MAP1LC3C: variants seen among roughly 807,000 people sequenced by gnomAD.
MAP1LC3C encodes microtubule-associated protein 1 light chain 3 gamma.
A neutral mutation model predicts 10.4 loss-of-function variants in MAP1LC3C; 12 were observed. The ratio of observed to expected loss-of-function variants is 1.15; its 90% confidence interval spans 0.74 to 1.86. The LOEUF is 1.86. Ranked by LOEUF, MAP1LC3C falls within the 40% of genes most tolerant of loss-of-function variation. MAP1LC3C has a pLI of 0.00. For synonymous variants in MAP1LC3C, 70 were observed against 69.0 expected (o/e 1.01, Z -0.07); for missense variants, 177 against 185.7 (o/e 0.95, Z 0.27).
chr1:241,996,475 C>T (rs1461750933), intron 3 of MAP1LC3C, 90 bp from the exon 4 acceptor site: 3 of 1,061,376 alleles, frequency 2.8e-6, no homozygotes, highest in Non-Finnish European at 4.1e-6. Context: ...CTGAATTGCT[C>T]CCTTCTTCTT....
intron 3 of MAP1LC3C, among the ~76,000 whole-genome samples, 177 bp downstream of exon 3, chr1:241,998,337 T>C (rs1665128690): frequency 6.6e-6 from 1 of 152,126 alleles, no homozygotes; most frequent in African/African-American, 2.4e-5. Context: ...AATAGAGTAA[T>C]TCTAAGAGCA....
At chr1:241,998,415 G>A (rs949030872) in intron 3 of MAP1LC3C, 99 bp downstream of exon 3, 17 of 927,438 alleles carry the variant, frequency 1.8e-5, no homozygotes, top group Admixed American at 1.4e-4. Flanking sequence ...TTCCCCTGAC[G>A]TGCCCCCATC....
In MAP1LC3C at chr1:241,998,997, T is replaced by C. The variant is rs139360631; in HGVS notation, c.12A>G (p.Pro4=). ...AGGGTCTGACGCTTGGGATTTTCTGTGGAGGCGGCATTGCACTCAGTAGCT... is the reference window on the plus strand; with the variant it reads ...AGGGTCTGACGCTTGGGATTTTCTGCGGAGGCGGCATTGCACTCAGTAGCT... MPP[P]QKIPSVRPFK... is the part of the protein sequence containing the mutation. Residue 4 remains proline (P), a synonymous_variant, in exon 1 of 4, where the codon CCA becomes CCG. Coordinates refer to ENST00000357246, the MANE Select transcript of MAP1LC3C (RefSeq NM_001004343.3). The C allele has an allele frequency of 8.6e-5, 139 of 1,609,564 alleles. 1 individual carries two copies. Among genetic ancestry groups the C allele is most frequent in the Middle Eastern group, 6.6e-4 (4 of 6,026 alleles).
chr1:241,997,526 A>G (rs1464008073), intron 3 of MAP1LC3C, among the ~76,000 whole-genome samples: 3 of 152,180 alleles, frequency 2.0e-5, no homozygotes, highest in Non-Finnish European at 2.9e-5. Flanking sequence ...CAAAATAAAA[A>G]GACACTCATT....
chr1:241,996,208 G>C lies in MAP1LC3C; in HGVS notation c.399C>G (p.Pro133=). 1 of 1,614,066 alleles carries C rather than the reference G, an allele frequency of 6.2e-7. No individual in the cohort carries two copies. ...ETFGCLESAA[P]RDGSSLEDRP... ...TGTCCTCAAGGCTGCTCCCATCCCT[G>C]GGGGCTGCTGACTCCAGGCAGCCAA... Residue 133 remains proline (P), a synonymous_variant, in exon 4 of 4, where the codon CCC becomes CCG. Coordinates refer to ENST00000357246, the MANE Select transcript of MAP1LC3C (RefSeq NM_001004343.3).
rs768580624 is a variant in MAP1LC3C, at chr1:241,996,380, C to A, written c.227G>T (p.Arg76Leu). ...GGCTTCCGTGGCTCTCAGGACCATG[C>A]GGCTCCTGGGATGGGCAGGAGGGTG... Reference protein sequence around the residue: ...MTQFLSIIRSRMVLRATEAFY... With the variant: ...MTQFLSIIRSLMVLRATEAFY... The change falls in exon 4 of 4, where the codon CGC becomes CTC. Residue 76 changes from arginine to leucine, a missense_variant. Physicochemically the swap from Arg to Leu is moderately radical, Grantham distance 102. Transcript: ENST00000357246. 5.6e-6 allele frequency: 9 copies of A among 1,613,646 alleles called. No individual in the cohort carries two copies. Among genetic ancestry groups the A allele is most frequent in the African/African-American group, 4.0e-5 (3 of 75,022 alleles).
rs752620963 is a variant in MAP1LC3C at position 241,998,547 on chromosome 1, T to C, written c.188A>G (p.Glu63Gly). 2.7e-5 allele frequency: 43 copies of C among 1,614,000 alleles called. No individual in the cohort carries two copies. The highest frequency in any genetic ancestry group is 3.6e-5 in the Non-Finnish European group (42 of 1,180,014). Reference protein sequence around the residue: ...LDKTKFLVPQELTMTQFLSII... With the variant: ...LDKTKFLVPQGLTMTQFLSII... The stretch of plus-strand genomic sequence containing the variant: ...GCTGAGGAACTGGGTCATGGTCAGC[T>C]CCTGCGGGACCAGGAACTTGGTTTT... Residue 63 changes from glutamate (E) to glycine (G), a missense_variant, in exon 3 of 4, where the codon GAG (glutamate) becomes GGG (glycine). By Grantham distance (98) the Glu-to-Gly change is moderately conservative. Coordinates refer to ENST00000357246, the MANE Select transcript of MAP1LC3C (RefSeq NM_001004343.3).
Position 241,998,767 on chromosome 1 carries a change from G to C in MAP1LC3C, c.114+9C>G. The stretch of plus-strand genomic sequence containing the variant: ...CACGCCCCCCAGCGGAAGTCCAGTG[G>C]TGTCTTACCGGGATTTTGTTGGGGA... On this transcript the variant is annotated intron_variant, in intron 2 of 3. Coordinates refer to ENST00000357246, the MANE Select transcript of MAP1LC3C (RefSeq NM_001004343.3). 1 of 1,614,148 alleles carries C rather than the reference G, an allele frequency of 6.2e-7. No homozygotes were observed. The highest frequency in any genetic ancestry group is 8.5e-7 in the Non-Finnish European group (1 of 1,180,034).
chr1:241,996,097 A>C lies in MAP1LC3C; in HGVS notation c.*66T>G, dbSNP rs191718681. Reference sequence around the variant, plus strand: ...CAGACTCCTCCACTGTATACACAGGAGAAAACCAATCCCTTCTGCCAGCAT... The same window carrying C: ...CAGACTCCTCCACTGTATACACAGGCGAAAACCAATCCCTTCTGCCAGCAT... On this transcript the variant is annotated 3_prime_UTR_variant, in exon 4 of 4. Transcript: ENST00000357246. 1 of 1,457,446 alleles carries C rather than the reference A, an allele frequency of 6.9e-7. No homozygotes were observed. Among genetic ancestry groups the C allele is most frequent in the Non-Finnish European group, 9.4e-7 (1 of 1,064,324 alleles). The allele number at this position is 1,457,446 out of a possible 1,614,324, so 90.3% of individuals were successfully genotyped here.
chr1:241,999,838 C>T (rs1018911612), upstream of MAP1LC3C, among the ~76,000 whole-genome samples: 3 of 151,826 alleles, frequency 2.0e-5, no homozygotes, highest in African/African-American at 4.9e-5. Context: ...ACAAAAAAAA[C>T]CCAGAGTTGT....
intron 3 of MAP1LC3C, among the ~76,000 whole-genome samples, chr1:241,998,149 A>G (rs1285118428): frequency 6.7e-6 from 1 of 149,600 alleles, no homozygotes; most frequent in Non-Finnish European, 1.5e-5. Flanking sequence ...CAGCCTCCCA[A>G]GTAGCTAGGA....
chr1:241,996,241 C>T lies in MAP1LC3C; in HGVS notation c.366G>A (p.Gln122=). 6.2e-7 allele frequency: 1 copy of T among 1,614,174 alleles called. No homozygotes were observed. Among genetic ancestry groups the T allele is most frequent in the Non-Finnish European group, 8.5e-7 (1 of 1,180,030 alleles). Residue 122 remains glutamine, a synonymous_variant, in exon 4 of 4, where the codon CAG becomes CAA. Transcript: ENST00000357246. ...DGFVYMTYAS[Q]ETFGCLESAA... ...CTGACTCCAGGCAGCCAAATGTCTC[C>T]TGGGAGGCGTAGGTCATGTACACGA...
chr1:241,998,779 G>T lies in MAP1LC3C; in HGVS notation c.111C>A (p.Ile37=), dbSNP rs766479093. 6.2e-7 allele frequency: 1 copy of T among 1,614,128 alleles called. No homozygotes were observed. The highest frequency in any genetic ancestry group is 8.5e-7 in the Non-Finnish European group (1 of 1,180,040). The change falls in exon 2 of 4, where the codon ATC becomes ATA. Residue 37 remains isoleucine (I), a synonymous_variant. Transcript: ENST00000357246. ...CGGAAGTCCAGTGGTGTCTTACCGGGATTTTGTTGGGGAACTTTGCCCGGA... is the reference window on the plus strand; with the variant it reads ...CGGAAGTCCAGTGGTGTCTTACCGGTATTTTGTTGGGGAACTTTGCCCGGA... ...AGIRAKFPNK[I]PVVVERYPRE...
Position 241,996,041 on chromosome 1 carries a change from G to T in MAP1LC3C, c.*122C>A. 1 of 791,110 alleles carries T rather than the reference G, an allele frequency of 1.3e-6. No individual in the cohort carries two copies. Among genetic ancestry groups the T allele is most frequent in the Non-Finnish European group, 1.9e-6 (1 of 514,884 alleles). The allele number at this position is 791,110 out of a possible 1,614,324, so 49.0% of individuals were successfully genotyped here. A position where few individuals can be genotyped will look rare whatever the true frequency, so the allele number is the denominator to read the frequency against. On this transcript the variant is annotated 3_prime_UTR_variant, in exon 4 of 4. Transcript: ENST00000357246. Reference sequence around the variant, plus strand: ...AGCCACCACTCTGCTGCCACTGGTTGGAGCTGATCACCCCAGGCATCCCTG... The same window carrying T: ...AGCCACCACTCTGCTGCCACTGGTTTGAGCTGATCACCCCAGGCATCCCTG...
At chr1:241,996,516 A>T in intron 3 of MAP1LC3C, 131 bp from the exon 4 acceptor site, 1 of 727,662 alleles carries the variant, frequency 1.4e-6, no homozygotes, top group Non-Finnish European at 2.2e-6. Context: ...AAGGCTTCCC[A>T]TTTGGGTCAA....
At chr1:242,001,254 G>A (rs928638396), upstream of MAP1LC3C, among the ~76,000 whole-genome samples, 1 of 151,994 alleles carries the variant, frequency 6.6e-6, no homozygotes, top group Non-Finnish European at 1.5e-5. Flanking sequence ...TCCAGCCTGG[G>A]CAACGGAGCG....
upstream of MAP1LC3C, among the ~76,000 whole-genome samples, chr1:241,999,327 C>T (rs113774072): frequency 1.3e-5 from 2 of 152,150 alleles, no homozygotes; most frequent in African/African-American, 2.4e-5. Flanking sequence ...GGCTGGGCAG[C>T]GGACTGTGGA....
intron 1 of MAP1LC3C, 53 bp downstream of exon 1, chr1:241,998,898 C>T (rs1665142611): frequency 6.2e-7 from 1 of 1,613,570 alleles, no homozygotes; most frequent in Non-Finnish European, 8.5e-7. Flanking sequence ...CAAGAGAAGG[C>T]CAGATCCGCT....
chr1:241,996,134 G>A lies in MAP1LC3C; in HGVS notation c.*29C>T. ...CCTTCTGCCAGCATCTGACACGTCT[G>A]TCAGAGCACACATCCTTCCCGACAT... On this transcript the variant is annotated 3_prime_UTR_variant, in exon 4 of 4. Coordinates refer to ENST00000357246, the MANE Select transcript of MAP1LC3C (RefSeq NM_001004343.3). 2.5e-6 allele frequency: 4 copies of A among 1,592,148 alleles called. No homozygotes were observed. The highest frequency in any genetic ancestry group is 2.6e-6 in the Non-Finnish European group (3 of 1,164,120).
Sources: gnomAD v4.1 joint callset for allele counts (sites outside exome capture counted in the v4.1 genomes callset) on GRCh38, gnomAD v4.1.1 for gene constraint, MANE v1.5 for transcripts, NCBI Gene and HGNC (gene_info 2026-07-23, HGNC 2026-07-21) for gene names.